Variants in HIVEP2 observed in about 807,000 individuals in gnomAD.
The protein encoded by HIVEP2 is transcription factor HIVEP2.
In HIVEP2, 14 loss-of-function variants were observed where a neutral mutation model predicts 180.7. The ratio of observed to expected loss-of-function variants is 0.08; its 90% CI spans 0.05 to 0.12. The LOEUF (loss-of-function observed/expected upper bound fraction) is 0.12, where lower values mean the gene tolerates loss of function less well. Among genes scored for constraint, HIVEP2 ranks in the 10% least tolerant of loss-of-function variants. HIVEP2 has a pLI of 1.00. For synonymous variants in HIVEP2, 1,184 were observed against 1,136.4 expected, an observed-to-expected ratio of 1.04 and a Z score of -0.84; for missense variants, 2,579 against 3,008.5, an observed-to-expected ratio of 0.86 and a Z score of 3.34.
chr6:142,849,099 T>G (rs372844540), intron 1 of HIVEP2, among the ~76,000 whole-genome samples: 6 of 152,254 alleles, frequency 3.9e-5, no homozygotes, highest in Non-Finnish European at 7.3e-5. Context: ...TCATTTACCA[T>G]GCACCTATCA....
chr6:142,940,612 C>G (rs1259539027), intron 1 of HIVEP2, among the ~76,000 whole-genome samples: 1 of 152,182 alleles, frequency 6.6e-6, no homozygotes, highest in Non-Finnish European at 1.5e-5. Context: ...CTCTTATCAG[C>G]CCCACTGGCT....
rs749708606 is a variant in HIVEP2, at chr6:142,770,146, C to T, written c.4593G>A (p.Pro1531=). The T allele has an allele frequency of 8.7e-6, 14 of 1,614,116 alleles. No homozygotes were observed. In the East Asian group the frequency reaches 1.1e-4, roughly 13 times the overall value. The change falls in exon 5 of 10, where the codon CCG becomes CCA. Residue 1531 remains proline, a synonymous_variant. Coordinates refer to ENST00000367603, the MANE Select transcript of HIVEP2 (RefSeq NM_006734.4). The surrounding 1 kb of genome is among the most constrained non-coding windows in gnomAD (Gnocchi z 4.7). ...SSSQDYPSVS[P]SSREPFLPSK... is the part of the protein sequence containing the mutation. Reference sequence around the variant, plus strand: ...TGGGCAGGAATGGCTCCCTGGAAGACGGGCTAACAGAAGGATAGTCTTGAG... The same window carrying T: ...TGGGCAGGAATGGCTCCCTGGAAGATGGGCTAACAGAAGGATAGTCTTGAG...
intron 1 of HIVEP2, among the ~76,000 whole-genome samples, chr6:142,850,701 G>C (rs1775625713): frequency 6.6e-6 from 1 of 152,200 alleles, no homozygotes; most frequent in South Asian, 2.1e-4. Flanking sequence ...CATCTAGATG[G>C]GAGGGAATTC....
intron 1 of HIVEP2, among the ~76,000 whole-genome samples, chr6:142,855,638 A>T (rs1582915901): frequency 1.3e-5 from 2 of 152,292 alleles, no homozygotes; most frequent in African/African-American, 4.8e-5. Context: ...TTATCTGCTG[A>T]GATAGGTTTT....
At chr6:142,846,996 A>G (rs1383760871) in intron 1 of HIVEP2, among the ~76,000 whole-genome samples, 1 of 152,192 alleles carries the variant, frequency 6.6e-6, no homozygotes, top group Non-Finnish European at 1.5e-5. Flanking sequence ...CCATGCTGTA[A>G]ACATGCTCAT....
Position 142,772,195 on chromosome 6 carries a change from A to T in HIVEP2, c.2544T>A (p.Pro848=). The stretch of plus-strand genomic sequence containing the variant: ...CACCATCCCCAGGTGGAGCCCACTC[A>T]GGACTCACTGGGGCTTCTGAAATCT... ...DSEISEAPVS[P]EWAPPGDGAE... is the part of the protein sequence containing the mutation. The change falls in exon 5 of 10, where the codon CCT becomes CCA. Residue 848 remains proline (P), a synonymous_variant. Coordinates refer to ENST00000367603, the MANE Select transcript of HIVEP2 (RefSeq NM_006734.4). The surrounding 1 kb of genome is among the most constrained non-coding windows in gnomAD (Gnocchi z 4.9). The T allele has an allele frequency of 6.2e-7, 1 of 1,614,178 alleles. No individual in the cohort carries two copies. Among genetic ancestry groups the T allele is most frequent in the Non-Finnish European group, 8.5e-7 (1 of 1,180,022 alleles).
At chr6:142,775,156 C>G in intron 4 of HIVEP2, 31 bp from the exon 5 acceptor site, 1 of 639,644 alleles carries the variant, frequency 1.6e-6, no homozygotes, top group Non-Finnish European at 1.9e-6. Flanking sequence ...AAGAGATTGT[C>G]ATAACAGTTT....
At chr6:142,777,201 G>A (rs575233220) in intron 3 of HIVEP2, among the ~76,000 whole-genome samples, 4 of 152,178 alleles carry the variant, frequency 2.6e-5, no homozygotes, top group South Asian at 2.1e-4. Flanking sequence ...TTGCACAAGC[G>A]CACACCAATA....
intron 2 of HIVEP2, among the ~76,000 whole-genome samples, chr6:142,834,819 T>C (rs1035247387): frequency 1.3e-5 from 2 of 152,052 alleles, no homozygotes; most frequent in African/African-American, 2.4e-5. Flanking sequence ...ATTTATTATT[T>C]GTAAAAAAAG....
intron 2 of HIVEP2, among the ~76,000 whole-genome samples, chr6:142,793,713 CCT>C (rs1776215796): frequency 7.4e-6 from 1 of 134,652 alleles, no homozygotes; most frequent in African/African-American, 2.7e-5. Flanking sequence ...GTCTTTCTTT[CCT>C]TCTTTCTTTC....
At chr6:142,904,249 A>G (rs1348041933) in intron 1 of HIVEP2, among the ~76,000 whole-genome samples, 1 of 152,180 alleles carries the variant, frequency 6.6e-6, no homozygotes, top group Non-Finnish European at 1.5e-5. Flanking sequence ...CACTTGTCAC[A>G]CTTATCCTCC....
chr6:142,894,772 T>G (rs1172367508), intron 1 of HIVEP2, among the ~76,000 whole-genome samples: 2 of 152,172 alleles, frequency 1.3e-5, no homozygotes, highest in African/African-American at 4.8e-5. Context: ...GACAAGGGCA[T>G]AGAGCTAGTT....
chr6:142,821,272 A>T (rs933640713), intron 2 of HIVEP2, among the ~76,000 whole-genome samples: 20 of 142,810 alleles, frequency 1.4e-4, no homozygotes, highest in African/African-American at 3.9e-4. Context: ...GACTACATTT[A>T]AAAAAAAAAA....
Position 142,773,130 on chromosome 6 carries a change from A to G in HIVEP2, c.1609T>C (p.Ser537Pro), listed in dbSNP as rs1775598004. The G allele has an allele frequency of 6.2e-7, 1 of 1,614,204 alleles. No homozygotes were observed. Among genetic ancestry groups the G allele is most frequent in the Non-Finnish European group, 8.5e-7 (1 of 1,180,022 alleles). ...GAGTTGCTTCTAATAAGGGGTGAAG[A>G]GTCTACAGGAGCTTCTAAGAGAACC... is the stretch of plus-strand genomic sequence containing the variant. Reference protein sequence around the residue: ...NPVLLEAPVDSSPLIRSNSVP... With the variant: ...NPVLLEAPVDPSPLIRSNSVP... Residue 537 changes from serine to proline, a missense_variant, in exon 5 of 10, where the codon TCT becomes CCT. Transcript: ENST00000367603.
chr6:142,824,085 T>A (rs1246656491), intron 2 of HIVEP2, among the ~76,000 whole-genome samples: 1 of 152,192 alleles, frequency 6.6e-6, no homozygotes, highest in Admixed American at 6.5e-5. Flanking sequence ...TTGAATACAA[T>A]TACATTACAT....
chr6:142,760,720 G>C, intron 8 of HIVEP2, 53 bp from the exon 9 acceptor site: 2 of 1,326,226 alleles, frequency 1.5e-6, no homozygotes, highest in Non-Finnish European at 2.1e-6. Flanking sequence ...ATCAAGGTTA[G>C]GATCTTATTT....
At chr6:142,937,111 C>T (rs144621816) in intron 1 of HIVEP2, among the ~76,000 whole-genome samples, 2 of 152,240 alleles carry the variant, frequency 1.3e-5, no homozygotes, top group African/African-American at 4.8e-5. Context: ...TGATTTTCCA[C>T]AAAGAACCAG....
intron 1 of HIVEP2, among the ~76,000 whole-genome samples, chr6:142,861,502 C>T (rs1057126923): frequency 6.6e-6 from 1 of 152,140 alleles, no homozygotes; most frequent in Non-Finnish European, 1.5e-5. Flanking sequence ...TGAAGGTATC[C>T]TTGGATACAG....
intron 9 of HIVEP2, 123 bp from the exon 10 acceptor site, chr6:142,754,054 T>C: frequency 7.2e-6 from 4 of 558,330 alleles, no homozygotes; most frequent in Non-Finnish European, 1.3e-5. Flanking sequence ...CTTCAATACC[T>C]AATTCTTTGA....
Sources: gnomAD v4.1 joint callset for allele counts (sites outside exome capture counted in the v4.1 genomes callset) on GRCh38, gnomAD v4.1.1 for gene constraint, Gnocchi (gnomAD v3.1) non-coding constraint, MANE v1.5 for transcripts, NCBI Gene and HGNC (gene_info 2026-07-23, HGNC 2026-07-21) for gene names.